Variants in FAP observed in about 807,000 individuals in gnomAD.
FAP encodes the protein prolyl endopeptidase FAP.
Under a neutral mutation model 126.5 loss-of-function variants are expected in FAP, and 110 were observed. The ratio of observed to expected loss-of-function variants is 0.87; its 90% confidence interval spans 0.74 to 1.02. The LOEUF (loss-of-function observed/expected upper bound fraction) is 1.02. FAP is among the 50% of genes least tolerant of loss of function. FAP has a pLI of 0.00. For missense variants in FAP, 919 were observed against 909.2 expected (o/e 1.01, Z -0.14); for synonymous variants, 334 against 297.3 (o/e 1.12, Z -1.27).
At position 162,188,299 on chromosome 2, in the gene FAP, C is replaced by T. The variant is rs999468428; in HGVS notation, c.1684G>A (p.Ala562Thr). Residue 562 changes from alanine to threonine, a missense_variant, in exon 20 of 26, where the codon GCA becomes ACA. Physicochemically the swap from Ala to Thr is moderately conservative, Grantham distance 58. Transcript: ENST00000188790. ...GCAATGACCATCCCTTCCTTACTTG[C>T]AAGATAAGATATCCAATTAACAGCA... is the stretch of plus-strand genomic sequence containing the variant. ...VFAVNWISYL[A>T]SKEGMVIALV... is the part of the protein sequence containing the mutation. The T allele has an allele frequency of 1.2e-6, 2 of 1,613,150 alleles. No homozygotes were observed. The highest frequency in any genetic ancestry group is 1.3e-5 in the African/African-American group (1 of 74,818).
chr2:162,201,268 T>G (rs1688488554), intron 14 of FAP, among the ~76,000 whole-genome samples: 1 of 152,178 alleles, frequency 6.6e-6, no homozygotes. Context: ...GTGAAAAGTT[T>G]GGGATAACCG....
chr2:162,172,692 C>T (rs1471434465), intron 25 of FAP, 119 bp downstream of exon 25: 2 of 680,042 alleles, frequency 2.9e-6, no homozygotes, highest in African/African-American at 3.6e-5. Flanking sequence ...TCTGCCTACT[C>T]TATCCTGCAG....
chr2:162,221,414 A>G (rs2106279765), intron 6 of FAP, among the ~76,000 whole-genome samples: 1 of 152,034 alleles, frequency 6.6e-6, no homozygotes, highest in South Asian at 2.1e-4. Flanking sequence ...AATCCTAGCT[A>G]CTTAGGAGGC....
At chr2:162,182,686 A>C (rs1204687618) in intron 21 of FAP, among the ~76,000 whole-genome samples, 1 of 152,222 alleles carries the variant, frequency 6.6e-6, no homozygotes, top group Non-Finnish European at 1.5e-5. Context: ...TTCAGACCAA[A>C]AAGTGAAACA....
intron 17 of FAP, 104 bp downstream of exon 17, chr2:162,194,597 T>C: frequency 1.1e-6 from 1 of 949,470 alleles, no homozygotes; most frequent in Non-Finnish European, 1.7e-6. Flanking sequence ...TCCATCGCAG[T>C]TCCCCTTGGT....
intron 2 of FAP, among the ~76,000 whole-genome samples, chr2:162,227,521 C>A (rs1689706669): frequency 6.6e-6 from 1 of 152,134 alleles, no homozygotes; most frequent in Non-Finnish European, 1.5e-5. Flanking sequence ...CACCTTACCC[C>A]TTCCACAGGC....
At chr2:162,233,542 C>A (rs530908599) in intron 2 of FAP, among the ~76,000 whole-genome samples, 167 of 152,114 alleles carry the variant, frequency 1.1e-3, no homozygotes, top group Non-Finnish European at 2.2e-3. Flanking sequence ...AATGTCTGTC[C>A]TTTGTCCATT....
At chr2:162,201,288 T>C (rs1159898457) in intron 14 of FAP, among the ~76,000 whole-genome samples, 1 of 152,202 alleles carries the variant, frequency 6.6e-6, no homozygotes, top group Non-Finnish European at 1.5e-5. Flanking sequence ...GAAGTTTGGT[T>C]GAATTCTTAG....
intron 21 of FAP, among the ~76,000 whole-genome samples, chr2:162,177,377 T>C (rs1360162561): frequency 2.0e-5 from 3 of 152,166 alleles, no homozygotes; most frequent in Non-Finnish European, 2.9e-5. Context: ...ATGGCCTTTA[T>C]GGTCTCACAC....
At position 162,189,722 on chromosome 2, in the gene FAP, C is replaced by T. The variant is rs201724480; in HGVS notation, c.1483G>A (p.Glu495Lys). ...AGCTGGATATTTTTCAAAGCATTTTCCAATTCCTTGTTTTCTTCCAGGATT... is the reference window on the plus strand; with the variant it reads ...AGCTGGATATTTTTCAAAGCATTTTTCAATTCCTTGTTTTCTTCCAGGATT... The part of the protein sequence containing the change: ...IKILEENKEL[E>K]NALKNIQLPK... The change falls in exon 18 of 26, where the codon GAA becomes AAA. Residue 495 changes from glutamate to lysine, a missense_variant. Physicochemically the swap from Glu to Lys is moderately conservative, Grantham distance 56 (BLOSUM62 1). Coordinates refer to ENST00000188790, the MANE Select transcript of FAP (RefSeq NM_004460.5). 1.1e-4 allele frequency: 179 copies of T among 1,588,648 alleles called. 1 individual carries two copies. Among genetic ancestry groups the T allele is most frequent in the African/African-American group, 1.4e-5 (1 of 73,898 alleles).
chr2:162,173,988 G>A (rs1687400682), intron 22 of FAP, among the ~76,000 whole-genome samples: 1 of 152,080 alleles, frequency 6.6e-6, no homozygotes, highest in African/African-American at 2.4e-5. Context: ...AGCTAGAGAA[G>A]TATGAAGGAA....
intron 15 of FAP, among the ~76,000 whole-genome samples, 166 bp from the exon 16 acceptor site, chr2:162,199,047 G>A (rs76325217): frequency 6.6e-6 from 1 of 152,302 alleles, no homozygotes; most frequent in Non-Finnish European, 1.5e-5. Context: ...TTTTGATGTA[G>A]CTTGATTTTT....
intron 16 of FAP, chr2:162,198,533 G>C (rs1688354722): frequency 1.4e-6 from 1 of 716,026 alleles, no homozygotes; most frequent in Non-Finnish European, 2.1e-6. Flanking sequence ...CGGACCTTTT[G>C]GCAAGTTACC....
intron 20 of FAP, among the ~76,000 whole-genome samples, chr2:162,186,557 T>C (rs562683525): frequency 6.6e-5 from 10 of 152,238 alleles, no homozygotes; most frequent in Middle Eastern, 3.4e-3. Context: ...TGACATATTT[T>C]GTTGTTACTG....
intron 2 of FAP, among the ~76,000 whole-genome samples, chr2:162,235,111 C>A (rs989008426): frequency 6.6e-6 from 1 of 151,998 alleles, no homozygotes; most frequent in Non-Finnish European, 1.5e-5. Flanking sequence ...GCCAACCATG[C>A]CTGAGTCTCT....
intron 22 of FAP, among the ~76,000 whole-genome samples, chr2:162,174,038 A>C (rs1687402285): frequency 6.6e-6 from 1 of 152,126 alleles, no homozygotes; most frequent in Admixed American, 6.6e-5. Context: ...TTTTCTTTCT[A>C]TGACTATTCT....
chr2:162,174,838 C>T, intron 22 of FAP, 29 bp downstream of exon 22: 1 of 1,485,528 alleles, frequency 6.7e-7, no homozygotes. Context: ...TAAATGCTTT[C>T]ACAGTAACAT....
In FAP at chr2:162,203,253, A is replaced by G. The variant is rs1688568889; in HGVS notation, c.1048-108T>C. ...TATGGTCATAGTTATAGGAATCAGA[A>G]TGTCTCGCCTCCTCTGTCTTCTGTC... is the stretch of plus-strand genomic sequence containing the variant. On this transcript the variant is annotated intron_variant, in intron 12 of 25. Transcript: ENST00000188790. 7.7e-6 allele frequency: 5 copies of G among 651,196 alleles called. No individual in the cohort carries two copies. In the South Asian group the frequency reaches 9.7e-5, roughly 13 times the overall value. The allele number at this position is 651,196 out of a possible 1,614,324, so 40.3% of individuals were successfully genotyped here.
chr2:162,173,312 C>T, intron 23 of FAP, 91 bp from the exon 24 acceptor site: 1 of 891,990 alleles, frequency 1.1e-6, no homozygotes, highest in African/African-American at 1.6e-5. Flanking sequence ...AGCACCAATA[C>T]TGAAATTATG....
Sources: allele counts gnomAD v4.1 joint callset (sites outside exome capture counted in the v4.1 genomes callset), GRCh38; gene constraint gnomAD v4.1.1; transcripts MANE v1.5; gene names NCBI Gene and HGNC (gene_info 2026-07-23, HGNC 2026-07-21).